The following PHLPP2 variants were observed in gnomAD, a reference collection of about 807,000 sequenced individuals.
PHLPP2 encodes the protein PH domain and leucine rich repeat protein phosphatase 2, also known as PH domain leucine-rich repeat-containing protein phosphatase 2.
PHLPP2 carries 66 observed loss-of-function variants against 124.9 expected under a neutral mutation model. The ratio of observed to expected loss-of-function variants is 0.53; its 90% CI spans 0.43 to 0.65. PHLPP2 has a LOEUF of 0.65. Ranked by LOEUF, PHLPP2 falls within the 30% of genes least tolerant of loss-of-function variation. The pLI, the probability that PHLPP2 is intolerant of heterozygous loss-of-function variation, is 0.00. For missense variants in PHLPP2, 1,685 were observed against 1,600.4 expected (o/e 1.05, Z -0.90); for synonymous variants, 681 against 624.7 (o/e 1.09, Z -1.34).
At chr16:71,697,812 TC>T (rs1213362108) in intron 3 of PHLPP2, among the ~76,000 whole-genome samples, 7 of 146,174 alleles carry the variant, frequency 4.8e-5, no homozygotes, top group South Asian at 2.1e-4. Flanking sequence ...TCTCTCTCTC[TC>T]TCTCTTTTTT....
rs557239003 is a variant in PHLPP2, at chr16:71,707,138, G to T, written c.285-4407C>A. Among the ~76,000 whole-genome samples, 345 of 151,356 alleles carry T rather than the reference G, an allele frequency of 2.3e-3. 3 individuals carry two copies. The highest frequency in any genetic ancestry group is 8.0e-3 in the African/African-American group (332 of 41,248). On this transcript the variant is annotated intron_variant, in intron 2 of 18. Coordinates refer to ENST00000568954, the MANE Select transcript of PHLPP2 (RefSeq NM_015020.3). The stretch of plus-strand genomic sequence containing the variant: ...CCCGGCTAATTTTTTTGTATTTTTA[G>T]TAGAGACGGGGTTTCACCGTGTTAG...
At chr16:71,653,775 A>G (rs1404340564) in intron 17 of PHLPP2, among the ~76,000 whole-genome samples, 2 of 152,168 alleles carry the variant, frequency 1.3e-5, no homozygotes, top group African/African-American at 4.8e-5. Context: ...TTATTTTTGC[A>G]AAGTCTCTAG....
rs768596279 is a variant in PHLPP2 at position 71,681,878 on chromosome 16, C to T, written c.763G>A (p.Asp255Asn). ...KVVSQRISTVDLSCYSLEEVP... is the reference protein window; with the variant it reads ...KVVSQRISTVNLSCYSLEEVP... ...TCCTCGAGGCTGTAACACGAGAGAT[C>T]CACGGTACTGATTCGCTGGGACACC... The change falls in exon 6 of 19, where the codon GAT (aspartate) becomes AAT (asparagine). Residue 255 changes from aspartate (D) to asparagine (N), a missense_variant. Physicochemically the swap from Asp to Asn is conservative, Grantham distance 23. Transcript: ENST00000568954. 2.5e-6 allele frequency: 4 copies of T among 1,613,042 alleles called. No homozygotes were observed. The highest frequency in any genetic ancestry group is 3.4e-6 in the Non-Finnish European group (4 of 1,179,534).
At chr16:71,683,361 G>A (rs760740179) in intron 5 of PHLPP2, among the ~76,000 whole-genome samples, 1 of 152,172 alleles carries the variant, frequency 6.6e-6, no homozygotes, top group Non-Finnish European at 1.5e-5. Context: ...TTGGCATATA[G>A]GAATAATGGT....
chr16:71,701,304 C>A (rs62053137), intron 3 of PHLPP2, among the ~76,000 whole-genome samples: 5 of 73,382 alleles, frequency 6.8e-5, no homozygotes, highest in African/African-American at 1.0e-4. Context: ...ATCTATCTAT[C>A]TATCTATCTA....
In PHLPP2 at chr16:71,649,971, G is replaced by A; in HGVS notation, c.2891C>T (p.Pro964Leu). The change falls in exon 19 of 19, where the codon CCC (proline) becomes CTC (leucine). Residue 964 changes from proline to leucine, a missense_variant. Coordinates refer to ENST00000568954, the MANE Select transcript of PHLPP2 (RefSeq NM_015020.3). ...GCTYLYPWIL[P>L]KPHISSTPLT... ...CGGAGTGGAAGATATGTGGGGCTTGGGGAGGATCCAAGGGTAGAGGTATGT... is the reference window on the plus strand; with the variant it reads ...CGGAGTGGAAGATATGTGGGGCTTGAGGAGGATCCAAGGGTAGAGGTATGT... The A allele has an allele frequency of 6.2e-7, 1 of 1,613,914 alleles. No homozygotes were observed. Among genetic ancestry groups the A allele is most frequent in the Non-Finnish European group, 8.5e-7 (1 of 1,179,978 alleles).
intron 2 of PHLPP2, among the ~76,000 whole-genome samples, chr16:71,713,375 T>C (rs1420911355): frequency 6.6e-6 from 1 of 152,232 alleles, no homozygotes; most frequent in Non-Finnish European, 1.5e-5. Context: ...ACTTTCATAT[T>C]TCTGATGGAA....
intron 13 of PHLPP2, among the ~76,000 whole-genome samples, chr16:71,663,402 C>G (rs544330240): frequency 2.6e-5 from 4 of 152,242 alleles, no homozygotes; most frequent in African/African-American, 7.2e-5. Flanking sequence ...TGAGCCACCA[C>G]TCCCAGCCAA....
At chr16:71,708,052 T>C (rs2045292026) in intron 2 of PHLPP2, among the ~76,000 whole-genome samples, 1 of 152,182 alleles carries the variant, frequency 6.6e-6, no homozygotes, top group South Asian at 2.1e-4. Context: ...GGTCAAAGCC[T>C]TTCTTTAAGG....
intron 2 of PHLPP2, among the ~76,000 whole-genome samples, chr16:71,703,499 A>C (rs927409786): frequency 8.9e-6 from 1 of 112,682 alleles, no homozygotes; most frequent in African/African-American, 3.3e-5. Flanking sequence ...ACTGAAAAAT[A>C]TTTAAAAAAA....
chr16:71,722,189 C>T (rs1353430222), intron 1 of PHLPP2, among the ~76,000 whole-genome samples: 1 of 151,964 alleles, frequency 6.6e-6, no homozygotes, highest in Admixed American at 6.6e-5. Context: ...TCCAACACTT[C>T]GGGAGGCCAA....
intron 18 of PHLPP2, among the ~76,000 whole-genome samples, chr16:71,651,286 C>G (rs1265031760): frequency 6.8e-6 from 1 of 147,868 alleles, no homozygotes; most frequent in South Asian, 2.1e-4. Flanking sequence ...TGTGGTGAGC[C>G]AAGATCACGC....
intron 12 of PHLPP2, 21 bp from the exon 13 acceptor site, chr16:71,664,120 C>CATCA: frequency 1.3e-6 from 2 of 1,536,450 alleles, no homozygotes; most frequent in Non-Finnish European, 1.8e-6. Context: ...ACACACAGAT[C>CATCA]ATCACCTCCT....
chr16:71,707,246 C>T (rs1164888399), intron 2 of PHLPP2, among the ~76,000 whole-genome samples: 8 of 152,012 alleles, frequency 5.3e-5, no homozygotes, highest in African/African-American at 1.4e-4. Context: ...TGAGCCACCG[C>T]GCCCGGCCAA....
rs184389105 is a variant in PHLPP2 at position 71,711,935 on chromosome 16, G to A, written c.284+2577C>T. On this transcript the variant is annotated intron_variant, in intron 2 of 18. Transcript: ENST00000568954. ...GAAACTGAGGAAGTGTCACTGCTGC[G>A]CCAGTTCCTGTCACAGCTGGCCTTT... 1.4e-3 allele frequency among the ~76,000 whole-genome samples: 217 copies of A among 152,272 alleles called. 3 individuals carry two copies. The highest frequency in any genetic ancestry group is 4.9e-3 in the African/African-American group (205 of 41,560).
intron 2 of PHLPP2, among the ~76,000 whole-genome samples, chr16:71,711,031 T>G (rs138722355): frequency 2.3e-3 from 342 of 151,774 alleles, no homozygotes; most frequent in Non-Finnish European, 3.7e-3. Context: ...AATGACACCA[T>G]GAAATTAAGA....
chr16:71,683,040 G>A (rs944868197), intron 5 of PHLPP2, among the ~76,000 whole-genome samples: 15 of 151,872 alleles, frequency 9.9e-5, no homozygotes, highest in South Asian at 2.1e-4. Flanking sequence ...GCGTGATGGC[G>A]CACACCTGTA....
chr16:71,678,739 T>A lies in PHLPP2; in HGVS notation c.1268+16A>T, dbSNP rs2044969976. 2.3e-6 allele frequency: 3 copies of A among 1,314,364 alleles called. No homozygotes were observed. The highest frequency in any genetic ancestry group is 2.4e-5 in the South Asian group (2 of 84,416). 81.4% of individuals were successfully genotyped at this position (1,314,364 alleles called of 1,614,324 possible). A position where few individuals can be genotyped will look rare whatever the true frequency, so the allele number is the denominator to read the frequency against. Reference sequence around the variant, plus strand: ...AGAGTCAATTTAAAGGAAGGTGTGGTAAAGAATAACCTTACCTTAAATCCA... The same window carrying A: ...AGAGTCAATTTAAAGGAAGGTGTGGAAAAGAATAACCTTACCTTAAATCCA... On this transcript the variant is annotated intron_variant, in intron 8 of 18. Transcript: ENST00000568954.
chr16:71,649,788 T>C lies in PHLPP2; in HGVS notation c.3074A>G (p.Asn1025Ser), dbSNP rs1567610637. 6.2e-7 allele frequency: 1 copy of C among 1,614,270 alleles called. No individual in the cohort carries two copies. The change falls in exon 19 of 19, where the codon AAT becomes AGT. Residue 1025 changes from asparagine (N) to serine (S), a missense_variant. Asn to Ser is a conservative substitution (Grantham distance 46). Transcript: ENST00000568954. ...CAAATAAACTACCATCGCCCCTACA[T>C]TGTCCTGACAGCCATAGCTCTGCGC... ...TLAQSYGCQD[N>S]VGAMVVYLNI...
Sources: gnomAD v4.1 joint callset for allele counts (sites outside exome capture counted in the v4.1 genomes callset) on GRCh38, gnomAD v4.1.1 for gene constraint, MANE v1.5 for transcripts, NCBI Gene and HGNC (gene_info 2026-07-23, HGNC 2026-07-21) for gene names.